The following PAPLN variants were observed in gnomAD, a reference collection of about 807,000 sequenced individuals.
PAPLN encodes papilin.
In PAPLN, 146 loss-of-function variants were observed where a neutral mutation model predicts 159.0. The ratio of observed to expected loss-of-function variants is 0.92; its 90% CI spans 0.80 to 1.05. The LOEUF is 1.05. Ranked by LOEUF, PAPLN falls within the 50% of genes least tolerant of loss-of-function variation. PAPLN has a pLI of 0.00. For missense variants in PAPLN, 1,720 were observed against 1,743.9 expected (o/e 0.99, Z 0.24); for synonymous variants, 734 against 702.9 (o/e 1.04, Z -0.70).
chr14:73,262,728 T>C lies in PAPLN; in HGVS notation c.2624T>C (p.Phe875Ser), dbSNP rs1246115953. Residue 875 changes from phenylalanine to serine, a missense_variant, in exon 19 of 27, where the codon TTT (phenylalanine) becomes TCT (serine). Transcript: ENST00000644200. Reference sequence around the variant, plus strand: ...GGGGAGGCCCCCCACACCCAGGCCTTTGGAGAATGGCCATGGGGGCAGGAG... The same window carrying C: ...GGGGAGGCCCCCCACACCCAGGCCTCTGGAGAATGGCCATGGGGGCAGGAG... ...GPGEAPHTQA[F>S]GEWPWGQELG... 4.2e-5 allele frequency: 64 copies of C among 1,512,562 alleles called. No individual in the cohort carries two copies. Among genetic ancestry groups the C allele is most frequent in the Non-Finnish European group, 5.6e-5 (64 of 1,134,556 alleles). 93.7% of individuals were successfully genotyped at this position (1,512,562 alleles called of 1,614,324 possible). A position where few individuals can be genotyped will look rare whatever the true frequency, so the allele number is the denominator to read the frequency against.
intron 5 of PAPLN, among the ~76,000 whole-genome samples, chr14:73,247,300 G>C (rs1884514127): frequency 6.6e-6 from 1 of 152,172 alleles, no homozygotes; most frequent in Non-Finnish European, 1.5e-5. Context: ...AAACACCCAG[G>C]TAAGCACCAA....
In PAPLN at chr14:73,266,747, C is replaced by T; in HGVS notation, c.3416C>T (p.Pro1139Leu). ...GGGGAGCTGACAATCTCAGGACTGCCCCCTACTGTGACAGTGCCAGAGGGT... is the reference window on the plus strand; with the variant it reads ...GGGGAGCTGACAATCTCAGGACTGCTCCCTACTGTGACAGTGCCAGAGGGT... Reference protein sequence around the residue: ...VLGELTISGLPPTVTVPEGDT... With the variant: ...VLGELTISGLLPTVTVPEGDT... Residue 1139 changes from proline (P) to leucine (L), a missense_variant, in exon 25 of 27, where the codon CCC becomes CTC. Physicochemically the swap from Pro to Leu is moderately conservative, Grantham distance 98. Coordinates refer to ENST00000644200, the MANE Select transcript of PAPLN (RefSeq NM_001365906.3). 1 of 1,613,910 alleles carries T rather than the reference C, an allele frequency of 6.2e-7. No individual in the cohort carries two copies. Among genetic ancestry groups the T allele is most frequent in the South Asian group, 1.1e-5 (1 of 91,050 alleles).
chr14:73,259,181 G>A, intron 15 of PAPLN, 88 bp from the exon 16 acceptor site: 1 of 1,525,444 alleles, frequency 6.6e-7, no homozygotes, highest in African/African-American at 1.4e-5. Context: ...ATGGTCCAGG[G>A]GACGGAGGAA....
At position 73,252,033 on chromosome 14, in the gene PAPLN, C is replaced by G; in HGVS notation, c.859C>G (p.Pro287Ala). The G allele has an allele frequency of 6.2e-7, 1 of 1,609,814 alleles. No individual in the cohort carries two copies. Among genetic ancestry groups the G allele is most frequent in the Non-Finnish European group, 8.5e-7 (1 of 1,178,026 alleles). ...CCCGTGACAGCTCATCAGCCAGGAG[C>G]CCAACCCCGGTGTGCACTATGAGTA... is the stretch of plus-strand genomic sequence containing the variant. ...PLVIELISQE[P>A]NPGVHYEYHL... The change falls in exon 10 of 27, where the codon CCC becomes GCC. Residue 287 changes from proline to alanine, a missense_variant. Transcript: ENST00000644200.
chr14:73,262,657 C>T lies in PAPLN; in HGVS notation c.2553C>T (p.Pro851=), dbSNP rs577625666. 4.0e-6 allele frequency: 6 copies of T among 1,501,900 alleles called. No homozygotes were observed. In the East Asian group the frequency reaches 1.2e-4, roughly 30 times the overall value. 93.0% of individuals were successfully genotyped at this position (1,501,900 alleles called of 1,614,324 possible). A position where few individuals can be genotyped will look rare whatever the true frequency, so the allele number is the denominator to read the frequency against. ...HRTGAAVQRK[P]WPSGGLWRQD... is the part of the protein sequence containing the mutation. Reference sequence around the variant, plus strand: ...CAGGGGCCGCGGTGCAGAGAAAGCCCTGGCCTTCTGGTGGTCTCTGGCGGC... The same window carrying T: ...CAGGGGCCGCGGTGCAGAGAAAGCCTTGGCCTTCTGGTGGTCTCTGGCGGC... The change falls in exon 19 of 27, where the codon CCC becomes CCT. Residue 851 remains proline (P), a synonymous_variant. Transcript: ENST00000644200.
chr14:73,236,291 G>A (rs543317622), upstream of PAPLN, among the ~76,000 whole-genome samples: 5 of 152,328 alleles, frequency 3.3e-5, no homozygotes, highest in East Asian at 9.6e-4. Flanking sequence ...CAGGTGGTGG[G>A]GCTGCATTGC....
rs754143403 is a variant in PAPLN, at chr14:73,266,636, G to A, written c.3391+8G>A. 6 of 1,614,000 alleles carry A rather than the reference G, an allele frequency of 3.7e-6. No individual in the cohort carries two copies. The highest frequency in any genetic ancestry group is 2.5e-6 in the Non-Finnish European group (3 of 1,180,026). ...TCCAGCTCAGAGTTCTGGGTAAAGTGGCAGTCCTGAGTGGCCTTTGAGGTC... is the reference window on the plus strand; with the variant it reads ...TCCAGCTCAGAGTTCTGGGTAAAGTAGCAGTCCTGAGTGGCCTTTGAGGTC... On this transcript the variant is annotated splice_region_variant and intron_variant, in intron 24 of 26. Coordinates refer to ENST00000644200, the MANE Select transcript of PAPLN (RefSeq NM_001365906.3).
At position 73,274,563 on chromosome 14, in the gene PAPLN, C is replaced by T. The variant is rs1250482721; in HGVS notation, c.*1899C>T. 6.6e-6 allele frequency: 1 copy of T among 152,124 alleles called. No homozygotes were observed. Among genetic ancestry groups the T allele is most frequent in the Non-Finnish European group, 1.5e-5 (1 of 68,032 alleles). 9.4% of individuals were successfully genotyped at this position (152,124 alleles called of 1,614,324 possible). A position where few individuals can be genotyped will look rare whatever the true frequency, so the allele number is the denominator to read the frequency against. ...TACTGGAAAAATATTGAAGAGCATC[C>T]ATGTTCACTTATGGCTGGTTTTGCT... On this transcript the variant is annotated 3_prime_UTR_variant, in exon 27 of 27. Coordinates refer to ENST00000644200, the MANE Select transcript of PAPLN (RefSeq NM_001365906.3).
intron 2 of PAPLN, among the ~76,000 whole-genome samples, chr14:73,240,807 G>A (rs1265496844): frequency 6.6e-6 from 1 of 152,190 alleles, no homozygotes; most frequent in Non-Finnish European, 1.5e-5. Flanking sequence ...CACCTTTGGG[G>A]AGGAGGGGGT....
chr14:73,264,013 C>CCCTG lies in PAPLN; in HGVS notation c.2862-198_2862-197insCCTG. The CCCTG allele has an allele frequency of 2.1e-6, 3 of 1,438,332 alleles. No individual in the cohort carries two copies. In the East Asian group the frequency reaches 9.6e-5, roughly 46 times the overall value. 89.1% of individuals were successfully genotyped at this position (1,438,332 alleles called of 1,614,324 possible). ...GCCCCCCGACCTCCTCTGACAGGTTCACGTGACAGCTCCCTCCACCTCCGC... is the reference window on the plus strand; with the variant it reads ...GCCCCCCGACCTCCTCTGACAGGTTCCCTGACGTGACAGCTCCCTCCACCTCCGC... On this transcript the variant is annotated intron_variant, in intron 20 of 26. Transcript: ENST00000644200.
rs767281485 is a variant in PAPLN, at chr14:73,272,489, C to G, written c.3668-6C>G. ...ACCACCTTCTCTCTCCCCTGTCGTT[C>G]TGCAGCACCCACCGCCCAGCCCAGG... On this transcript the variant is annotated splice_region_variant and splice_polypyrimidine_tract_variant and intron_variant, in intron 26 of 26. Transcript: ENST00000644200. 1 of 1,523,290 alleles carries G rather than the reference C, an allele frequency of 6.6e-7. No homozygotes were observed. The highest frequency in any genetic ancestry group is 1.4e-5 in the African/African-American group (1 of 72,880). The allele number at this position is 1,523,290 out of a possible 1,614,324, so 94.4% of individuals were successfully genotyped here.
chr14:73,263,865 ACCT>A, intron 20 of PAPLN, 83 bp downstream of exon 20: 1 of 1,197,064 alleles, frequency 8.4e-7, no homozygotes, highest in Non-Finnish European at 1.1e-6. Flanking sequence ...CAGCTCCCCC[ACCT>A]CCTCTGATAG....
At chr14:73,240,991 C>A (rs879809965) in intron 2 of PAPLN, among the ~76,000 whole-genome samples, 2 of 151,540 alleles carry the variant, frequency 1.3e-5, no homozygotes, top group Admixed American at 6.6e-5. Flanking sequence ...AGGACCCAAA[C>A]TGTTTTCTGC....
intron 21 of PAPLN, 28 bp from the exon 22 acceptor site, chr14:73,264,560 C>T (rs768161930): frequency 4.4e-6 from 7 of 1,585,876 alleles, no homozygotes; most frequent in East Asian, 4.5e-5. Context: ...TCACAGCTCA[C>T]ACCTTGTTTC....
chr14:73,257,415 G>T (rs1886040644), intron 14 of PAPLN, among the ~76,000 whole-genome samples: 1 of 151,012 alleles, frequency 6.6e-6, no homozygotes, highest in Non-Finnish European at 1.5e-5. Context: ...ATTTCAGGGG[G>T]GGTCCTACAG....
At chr14:73,270,204 G>C (rs994022235) in intron 26 of PAPLN, among the ~76,000 whole-genome samples, 1 of 152,076 alleles carries the variant, frequency 6.6e-6, no homozygotes, top group Non-Finnish European at 1.5e-5. Flanking sequence ...CCACTTGGCC[G>C]GGCAGGCTGC....
Position 73,272,613 on chromosome 14 carries a change from C to T in PAPLN, c.3786C>T (p.Cys1262=), listed in dbSNP as rs201451289. The change falls in exon 27 of 27, where the codon TGC becomes TGT. Residue 1262 remains cysteine (C), a synonymous_variant. Coordinates refer to ENST00000644200, the MANE Select transcript of PAPLN (RefSeq NM_001365906.3). ...LCGNEYYSSF[C]CASCSRFQPH... The stretch of plus-strand genomic sequence containing the variant: ...GCAATGAGTATTACTCCAGCTTCTG[C>T]TGTGCCAGCTGTTCACGTTTCCAGC... 6.4e-5 allele frequency: 102 copies of T among 1,595,416 alleles called. No homozygotes were observed. Among genetic ancestry groups the T allele is most frequent in the Non-Finnish European group, 8.0e-5 (93 of 1,164,810 alleles).
intron 1 of PAPLN, among the ~76,000 whole-genome samples, chr14:73,239,313 CTT>C (rs532374640): frequency 1.2e-4 from 19 of 152,308 alleles, no homozygotes; most frequent in South Asian, 1.2e-3. Flanking sequence ...ACAATTAACA[CTT>C]TTAGAGCATT....
chr14:73,247,031 T>C (rs1218589585), intron 5 of PAPLN, among the ~76,000 whole-genome samples: 1 of 152,188 alleles, frequency 6.6e-6, no homozygotes, highest in Non-Finnish European at 1.5e-5. Flanking sequence ...AACGAAGCTA[T>C]GGTGTGTCTA....
Sources: allele counts gnomAD v4.1 joint callset (sites outside exome capture counted in the v4.1 genomes callset), GRCh38; gene constraint gnomAD v4.1.1; transcripts MANE v1.5; gene names NCBI Gene and HGNC (gene_info 2026-07-23, HGNC 2026-07-21).